PRKG1: variants seen among roughly 807,000 people sequenced by gnomAD.
PRKG1 encodes the protein protein kinase cGMP-dependent 1.
A neutral mutation model predicts 88.1 loss-of-function variants in PRKG1; 35 were observed. The ratio of observed to expected loss-of-function variants is 0.40; its 90% CI spans 0.30 to 0.53. The LOEUF (loss-of-function observed/expected upper bound fraction) is 0.53. Among genes scored for constraint, PRKG1 ranks in the 20% least tolerant of loss-of-function variants. PRKG1 has a pLI of 0.59. For synonymous variants in PRKG1, 303 were observed against 292.5 expected, an observed-to-expected ratio of 1.04 and a Z score of -0.37; for missense variants, 540 against 839.8, an observed-to-expected ratio of 0.64 and a Z score of 4.41.
rs1440365856 is a variant in PRKG1, at chr10:51,074,604, G to A, written c.14G>A (p.Arg5Gln). The change falls in exon 1 of 18, where the codon CGG (arginine) becomes CAG (glutamine). Residue 5 changes from arginine to glutamine, a missense_variant. By Grantham distance (43) the Arg-to-Gln change is conservative. This residue lies in a region of PRKG1 where 15 missense variants were observed against 30.1 expected (regional missense o/e 0.50). Coordinates refer to ENST00000373980, the MANE Select transcript of PRKG1 (RefSeq NM_006258.4). MGTL[R>Q]DLQYALQEKI... Reference sequence around the variant, plus strand: ...GCCCGGAGGAGCATGGGCACCTTGCGGGATTTACAGTACGCGCTCCAGGAG... The same window carrying A: ...GCCCGGAGGAGCATGGGCACCTTGCAGGATTTACAGTACGCGCTCCAGGAG... 1.2e-6 allele frequency: 2 copies of A among 1,611,168 alleles called. No homozygotes were observed. The highest frequency in any genetic ancestry group is 1.7e-6 in the Non-Finnish European group (2 of 1,177,740).
At chr10:51,920,462 T>A (rs1842440051) in intron 5 of PRKG1, among the ~76,000 whole-genome samples, 1 of 152,172 alleles carries the variant, frequency 6.6e-6, no homozygotes. Context: ...CCTATGGGAA[T>A]CTCCTAATTA....
chr10:51,968,929 T>C (rs1843639643), intron 5 of PRKG1, among the ~76,000 whole-genome samples: 1 of 151,934 alleles, frequency 6.6e-6, no homozygotes, highest in Non-Finnish European at 1.5e-5. Context: ...AGATAACTCA[T>C]ACATATAATA....
At chr10:51,655,486 G>GAATTATTAAATTATTAAATAATT (rs1840139324) in intron 3 of PRKG1, among the ~76,000 whole-genome samples, 2 of 151,956 alleles carry the variant, frequency 1.3e-5, no homozygotes, top group South Asian at 4.1e-4. Context: ...AAATAATTCA[G>GAATTATTAAATTATTAAATAATT]CACATTTAGA....
At chr10:52,234,334 A>G (rs1185697656) in intron 9 of PRKG1, among the ~76,000 whole-genome samples, 3 of 152,226 alleles carry the variant, frequency 2.0e-5, no homozygotes, top group African/African-American at 7.2e-5. Context: ...TGATGAGCTG[A>G]GAGAAGAAGG....
chr10:51,844,213 T>C (rs2132785787), intron 4 of PRKG1, among the ~76,000 whole-genome samples: 1 of 152,290 alleles, frequency 6.6e-6, no homozygotes, highest in African/African-American at 2.4e-5. Context: ...ATTCTAATGA[T>C]AGGTTTCTGA....
At chr10:52,032,611 C>T (rs1200497626) in intron 5 of PRKG1, among the ~76,000 whole-genome samples, 1 of 152,062 alleles carries the variant, frequency 6.6e-6, no homozygotes, top group Non-Finnish European at 1.5e-5. Context: ...TCAGGAAAAT[C>T]AGCAGAATTT....
chr10:51,810,042 G>A (rs569314921), intron 4 of PRKG1, among the ~76,000 whole-genome samples: 1 of 152,234 alleles, frequency 6.6e-6, no homozygotes, highest in African/African-American at 2.4e-5. Flanking sequence ...GATCTAAGAT[G>A]TGACAACACA....
At chr10:51,321,384 C>T (rs988286137) in intron 2 of PRKG1, among the ~76,000 whole-genome samples, 1 of 152,136 alleles carries the variant, frequency 6.6e-6, no homozygotes, top group African/African-American at 2.4e-5. Flanking sequence ...TAACTATTAA[C>T]CATACTTATT....
chr10:51,855,496 T>C (rs1209582179), intron 4 of PRKG1, among the ~76,000 whole-genome samples: 1 of 152,198 alleles, frequency 6.6e-6, no homozygotes, highest in African/African-American at 2.4e-5. Context: ...TACTGTGTTC[T>C]GGTGTGAGGA....
chr10:51,699,148 A>G (rs200303044), intron 3 of PRKG1: 1 of 1,614,006 alleles, frequency 6.2e-7, no homozygotes, highest in Non-Finnish European at 8.5e-7. Context: ...CCGGGGGGAG[A>G]CTGGCTACTG....
At chr10:51,098,845 C>T (rs372224672) in intron 1 of PRKG1, among the ~76,000 whole-genome samples, 62 of 152,300 alleles carry the variant, frequency 4.1e-4, no homozygotes, top group African/African-American at 1.5e-3. Flanking sequence ...GCATTGGCCA[C>T]TCTTCTTTAG....
intron 5 of PRKG1, among the ~76,000 whole-genome samples, chr10:52,009,502 C>T (rs1300139869): frequency 1.3e-5 from 2 of 152,048 alleles, no homozygotes; most frequent in Non-Finnish European, 2.9e-5. Context: ...AATTACAAAA[C>T]ACTGCTCAAA....
At chr10:51,358,265 A>G (rs1346245114) in intron 2 of PRKG1, among the ~76,000 whole-genome samples, 3 of 151,862 alleles carry the variant, frequency 2.0e-5, no homozygotes, top group Non-Finnish European at 2.9e-5. Context: ...CCTCTTATTC[A>G]GAGAGAGCAA....
At chr10:51,579,848 G>C (rs1837985822) in intron 3 of PRKG1, among the ~76,000 whole-genome samples, 1 of 152,002 alleles carries the variant, frequency 6.6e-6, no homozygotes, top group Non-Finnish European at 1.5e-5. Flanking sequence ...CTTGAATTTA[G>C]CATGTAAAAC....
chr10:51,651,546 T>A lies in PRKG1; in HGVS notation c.593-153039T>A, dbSNP rs551242155. Among the ~76,000 whole-genome samples, 102 of 152,068 alleles carry A rather than the reference T, an allele frequency of 6.7e-4. 2 individuals are homozygous for A. In the South Asian group the frequency reaches 0.02, roughly 30 times the overall value. Reference sequence around the variant, plus strand: ...CCCTTAGCATTCTATTTCCCTCATATTTGGCACATGATTGGCACAAAAATT... The same window carrying A: ...CCCTTAGCATTCTATTTCCCTCATAATTGGCACATGATTGGCACAAAAATT... On this transcript the variant is annotated intron_variant, in intron 3 of 17. Transcript: ENST00000373980.
intron 5 of PRKG1, chr10:51,908,734 A>ATATATATATATATATATT (rs563212069): frequency 9.6e-5 from 5 of 52,234 alleles, no homozygotes; most frequent in East Asian, 3.4e-4. Flanking sequence ...TCTATATGTA[A>ATATATATATATATATATT]TTTTTTTTTT....
At chr10:51,102,160 G>A (rs182492048) in intron 1 of PRKG1, among the ~76,000 whole-genome samples, 2 of 152,100 alleles carry the variant, frequency 1.3e-5, no homozygotes, top group Non-Finnish European at 2.9e-5. Context: ...GACCTCAAAA[G>A]CATAAAACAT....
intron 4 of PRKG1, among the ~76,000 whole-genome samples, chr10:51,875,088 A>G (rs1841260109): frequency 6.6e-6 from 1 of 152,160 alleles, no homozygotes; most frequent in Non-Finnish European, 1.5e-5. Context: ...AGCCTGCTTG[A>G]TTAGAAGAAA....
rs536450524 is a variant in PRKG1 at position 52,076,376 on chromosome 10, G to A, written c.935+13745G>A. ...GTTCAAGACCAGCCTGGCCAACATG[G>A]CGAAACCCTGTCTCTACTAAAAATG... On this transcript the variant is annotated intron_variant, in intron 7 of 17. Transcript: ENST00000373980. 3.3e-3 allele frequency among the ~76,000 whole-genome samples: 506 copies of A among 152,320 alleles called. 2 individuals carry two copies. Among genetic ancestry groups the A allele is most frequent in the African/African-American group, 0.011 (472 of 41,570 alleles).
Sources: gnomAD v4.1 joint callset for allele counts (sites outside exome capture counted in the v4.1 genomes callset) on GRCh38, gnomAD v4.1.1 for gene constraint, gnomAD v4.1.1 regional missense constraint, MANE v1.5 for transcripts, NCBI Gene and HGNC (gene_info 2026-07-23, HGNC 2026-07-21) for gene names.